FREM2: variants seen among roughly 807,000 people sequenced by gnomAD.
FREM2 encodes the protein FRAS1 related extracellular matrix 2.
Under a neutral mutation model 219.9 loss-of-function variants are expected in FREM2, and 119 were observed. The ratio of observed to expected loss-of-function variants is 0.54; its 90% CI spans 0.47 to 0.63. The LOEUF is 0.63. Ranked by LOEUF, FREM2 falls within the 30% of genes least tolerant of loss-of-function variation. The pLI is 0.00. For synonymous variants in FREM2, 1,562 were observed against 1,522.8 expected (o/e 1.03, Z -0.60); for missense variants, 4,030 against 3,993.6 (o/e 1.01, Z -0.25).
At chr13:38,771,495 C>T (rs1021817990) in intron 4 of FREM2, among the ~76,000 whole-genome samples, 1 of 152,136 alleles carries the variant, frequency 6.6e-6, no homozygotes, top group African/African-American at 2.4e-5. Flanking sequence ...CAGAGTGACA[C>T]TCTGCACCCA....
At chr13:38,810,214 G>A (rs1469284276) in intron 6 of FREM2, among the ~76,000 whole-genome samples, 2 of 144,892 alleles carry the variant, frequency 1.4e-5, no homozygotes, top group Middle Eastern at 3.5e-3. Flanking sequence ...AATATTTTTG[G>A]TCGAATTTTT....
At chr13:38,837,876 T>G (rs773853532) in intron 6 of FREM2, among the ~76,000 whole-genome samples, 11 of 152,096 alleles carry the variant, frequency 7.2e-5, no homozygotes, top group Non-Finnish European at 1.3e-4. Context: ...ATGGGTCTTC[T>G]GAATACAGCA....
intron 2 of FREM2, among the ~76,000 whole-genome samples, chr13:38,726,915 AG>A (rs1871551028): frequency 6.6e-6 from 1 of 152,238 alleles, no homozygotes; most frequent in Non-Finnish European, 1.5e-5. Context: ...GTTAAGTGGT[AG>A]TTCAGTTAAT....
Position 38,872,855 on chromosome 13 carries a change from G to C in FREM2, c.8097G>C (p.Glu2699Asp). The part of the protein sequence containing the change: ...GGWQHFDLKS[E>D]LRLTFVYDTA... ...GGCAGCATTTTGACTTGAAGTCAGA[G>C]CTTCGTCTAACTTTTGTGTACGACA... is the stretch of plus-strand genomic sequence containing the variant. Residue 2699 changes from glutamate (E) to aspartate (D), a missense_variant, in exon 17 of 24, where the codon GAG becomes GAC. Around this residue, in one of 2 missense-constraint regions of FREM2, gnomAD observed 928 missense variants for 1,042.9 expected, o/e 0.89. Transcript: ENST00000280481. The C allele has an allele frequency of 1.2e-6, 2 of 1,614,014 alleles. No individual in the cohort carries two copies. Among genetic ancestry groups the C allele is most frequent in the Non-Finnish European group, 1.7e-6 (2 of 1,179,916 alleles).
intron 4 of FREM2, among the ~76,000 whole-genome samples, chr13:38,777,668 T>C (rs1366176071): frequency 6.6e-6 from 1 of 152,208 alleles, no homozygotes; most frequent in East Asian, 1.9e-4. Flanking sequence ...ATGCCACTTT[T>C]AGGAATTTTG....
chr13:38,880,516 T>A lies in FREM2; in HGVS notation c.9239T>A (p.Leu3080Gln). Reference sequence around the variant, plus strand: ...GGAACAAACATCCAGCACATTGCCCTGGACCGCACCAAGAGGCAGATCCCC... The same window carrying A: ...GGAACAAACATCCAGCACATTGCCCAGGACCGCACCAAGAGGCAGATCCCC... ...SRGTNIQHIALDRTKRQIPHG... is the reference protein window; with the variant it reads ...SRGTNIQHIAQDRTKRQIPHG... The change falls in exon 24 of 24, where the codon CTG becomes CAG. Residue 3080 changes from leucine (L) to glutamine (Q), a missense_variant. Coordinates refer to ENST00000280481, the MANE Select transcript of FREM2 (RefSeq NM_207361.6). The A allele has an allele frequency of 6.2e-7, 1 of 1,614,142 alleles. No homozygotes were observed. Among genetic ancestry groups the A allele is most frequent in the Non-Finnish European group, 8.5e-7 (1 of 1,180,020 alleles).
chr13:38,746,254 G>A (rs184006267), intron 2 of FREM2, among the ~76,000 whole-genome samples: 1 of 152,058 alleles, frequency 6.6e-6, no homozygotes, highest in Non-Finnish European at 1.5e-5. Context: ...TTTTGATAAG[G>A]CTTGCAAAAC....
chr13:38,795,283 G>A (rs1389478637), intron 6 of FREM2, among the ~76,000 whole-genome samples: 1 of 151,486 alleles, frequency 6.6e-6, no homozygotes, highest in Admixed American at 6.6e-5. Flanking sequence ...GTTCAAGCCT[G>A]TTGTACACCC....
rs1329683564 is a variant in FREM2, at chr13:38,864,461, A to G, written c.7838A>G (p.Gln2613Arg). ...PEIIGETYPY[Q>R]YSLSIRGSTT... ...ATAATTGGAGAGACATATCCTTACCAGTACAGCTTGTCCATCAGAGGTTCC... is the reference window on the plus strand; with the variant it reads ...ATAATTGGAGAGACATATCCTTACCGGTACAGCTTGTCCATCAGAGGTTCC... Residue 2613 changes from glutamine (Q) to arginine (R), a missense_variant, in exon 16 of 24, where the codon CAG becomes CGG. This residue lies in a region of FREM2 where 928 missense variants were observed against 1,042.9 expected (regional missense o/e 0.89). Transcript: ENST00000280481. The G allele has an allele frequency of 6.2e-7, 1 of 1,614,210 alleles. No homozygotes were observed. The highest frequency in any genetic ancestry group is 1.1e-5 in the South Asian group (1 of 91,086).
chr13:38,724,635 A>C (rs1871436993), intron 2 of FREM2, among the ~76,000 whole-genome samples: 1 of 152,188 alleles, frequency 6.6e-6, no homozygotes, highest in Non-Finnish European at 1.5e-5. Flanking sequence ...CAAAAAAGTA[A>C]ATTTATTTGA....
intron 17 of FREM2, among the ~76,000 whole-genome samples, chr13:38,873,347 T>C (rs919466970): frequency 1.3e-5 from 2 of 152,202 alleles, no homozygotes; most frequent in Non-Finnish European, 2.9e-5. Context: ...TTAAATTAAA[T>C]ACAAATTATG....
chr13:38,830,207 C>T (rs764309869), intron 6 of FREM2, among the ~76,000 whole-genome samples: 2 of 152,076 alleles, frequency 1.3e-5, no homozygotes, highest in Non-Finnish European at 2.9e-5. Flanking sequence ...TGACTGTGTA[C>T]CAGAAATCAG....
intron 6 of FREM2, among the ~76,000 whole-genome samples, chr13:38,790,649 G>A (rs1304136859): frequency 6.6e-6 from 1 of 152,080 alleles, no homozygotes; most frequent in African/African-American, 2.4e-5. Flanking sequence ...GTCAAAGATG[G>A]GGCAACTAAA....
At chr13:38,880,238 G>A (rs1002410490) in intron 23 of FREM2, 46 bp from the exon 24 acceptor site, 21 of 1,583,514 alleles carry the variant, frequency 1.3e-5, no homozygotes, top group Non-Finnish European at 1.8e-5. Flanking sequence ...GGATTAGATT[G>A]ACATGGTATC....
In FREM2 at chr13:38,882,229, A is replaced by G. The variant is rs1878574986; in HGVS notation, c.*1442A>G. On this transcript the variant is annotated 3_prime_UTR_variant, in exon 24 of 24. Coordinates refer to ENST00000280481, the MANE Select transcript of FREM2 (RefSeq NM_207361.6). ...TTCAGCTTTCCAAAAGCTAGTAAAC[A>G]TGTTTCAAAGAAAAATAAGGTCAGG... 6.6e-6 allele frequency: 1 copy of G among 152,186 alleles called. No homozygotes were observed. Among genetic ancestry groups the G allele is most frequent in the African/African-American group, 2.4e-5 (1 of 41,454 alleles). 9.4% of individuals were successfully genotyped at this position (152,186 alleles called of 1,614,324 possible). A position where few individuals can be genotyped will look rare whatever the true frequency, so the allele number is the denominator to read the frequency against.
At chr13:38,773,073 C>T (rs1566136980) in intron 4 of FREM2, among the ~76,000 whole-genome samples, 1 of 152,028 alleles carries the variant, frequency 6.6e-6, no homozygotes, top group African/African-American at 2.4e-5. Context: ...TCTTACAATG[C>T]CATGTATCCA....
intron 6 of FREM2, among the ~76,000 whole-genome samples, chr13:38,786,128 A>G (rs963568349): frequency 1.3e-5 from 2 of 152,182 alleles, no homozygotes; most frequent in African/African-American, 4.8e-5. Flanking sequence ...GAGTCACCCT[A>G]CAGTGGTATA....
At chr13:38,754,116 G>A (rs1282066569) in intron 2 of FREM2, among the ~76,000 whole-genome samples, 1 of 152,090 alleles carries the variant, frequency 6.6e-6, no homozygotes, top group Non-Finnish European at 1.5e-5. Context: ...TAGTCAGCCT[G>A]GAAGGAGGAT....
intron 4 of FREM2, among the ~76,000 whole-genome samples, chr13:38,782,370 AC>A (rs1874150600): frequency 6.6e-6 from 1 of 151,866 alleles, no homozygotes; most frequent in Admixed American, 6.6e-5. Context: ...TTATTATTTA[AC>A]ATGCCCTTTG....
Sources: gnomAD v4.1 joint callset for allele counts (sites outside exome capture counted in the v4.1 genomes callset) on GRCh38, gnomAD v4.1.1 for gene constraint, gnomAD v4.1.1 regional missense constraint, MANE v1.5 for transcripts, NCBI Gene and HGNC (gene_info 2026-07-23, HGNC 2026-07-21) for gene names.